ITPR2: variants seen among roughly 807,000 people sequenced by gnomAD.
The protein encoded by ITPR2 is inositol 1,4,5-trisphosphate-gated calcium channel ITPR2.
ITPR2 carries 207 observed loss-of-function variants against 317.1 expected under a neutral mutation model. The observed-to-expected ratio is 0.65, with a 90% CI of 0.58 to 0.73. The LOEUF (loss-of-function observed/expected upper bound fraction) is 0.73. Among genes scored for constraint, ITPR2 ranks in the 30% least tolerant of loss-of-function variants. The pLI, the probability that ITPR2 is intolerant of heterozygous loss-of-function variation, is 0.00. For synonymous variants in ITPR2, 1,156 were observed against 1,149.1 expected, an observed-to-expected ratio of 1.01 and a Z score of -0.12; for missense variants, 2,613 against 3,284.0, an observed-to-expected ratio of 0.80 and a Z score of 4.99.
At chr12:26,448,313 A>G (rs2136751936) in intron 45 of ITPR2, among the ~76,000 whole-genome samples, 1 of 151,986 alleles carries the variant, frequency 6.6e-6, no homozygotes, top group African/African-American at 2.4e-5. Flanking sequence ...AATATTAATG[A>G]TAATGAGAGT....
intron 40 of ITPR2, 48 bp downstream of exon 40, chr12:26,487,020 C>T (rs1565554860): frequency 6.8e-7 from 1 of 1,477,052 alleles, no homozygotes; most frequent in East Asian, 2.3e-5. Flanking sequence ...ACGCTATTCC[C>T]CTCTTTTCTC....
chr12:26,722,524 G>T lies in ITPR2; in HGVS notation c.398C>A (p.Thr133Asn). The T allele has an allele frequency of 6.2e-7, 1 of 1,612,600 alleles. No individual in the cohort carries two copies. The highest frequency in any genetic ancestry group is 8.5e-7 in the Non-Finnish European group (1 of 1,179,060). ...TAAAGCAGGTAATCTCTTGTTGACA[G>T]TAAGATATTTGTTGCTTTTTATATG... is the stretch of plus-strand genomic sequence containing the variant. ...LLHIKSNKYLTVNKRLPALLE... is the reference protein window; with the variant it reads ...LLHIKSNKYLNVNKRLPALLE... Residue 133 changes from threonine (T) to asparagine (N), a missense_variant, in exon 5 of 57, where the codon ACT (threonine) becomes AAT (asparagine). By Grantham distance (65) the Thr-to-Asn change is moderately conservative. Around this residue, in one of 9 missense-constraint regions of ITPR2, gnomAD observed 515 missense variants for 789.4 expected, o/e 0.65. Transcript: ENST00000381340.
chr12:26,688,158 C>T (rs1479919127), intron 10 of ITPR2, among the ~76,000 whole-genome samples: 1 of 152,078 alleles, frequency 6.6e-6, no homozygotes, highest in African/African-American at 2.4e-5. Flanking sequence ...ACCTCGGCCT[C>T]CTGGGTAGCT....
intron 2 of ITPR2, 98 bp downstream of exon 2, chr12:26,790,058 GT>G (rs1203947056): frequency 4.9e-6 from 4 of 808,978 alleles, no homozygotes; most frequent in Non-Finnish European, 6.3e-6. Flanking sequence ...ATATCTGAAA[GT>G]TTCACATTGA....
chr12:26,682,511 C>T lies in ITPR2; in HGVS notation c.1248+63G>A, dbSNP rs906800943. The T allele has an allele frequency of 9.0e-6, 9 of 995,672 alleles. No homozygotes were observed. The African/African-American group carries it at 1.3e-4, about 14-fold the overall frequency. The allele number at this position is 995,672 out of a possible 1,614,324, so 61.7% of individuals were successfully genotyped here. On this transcript the variant is annotated intron_variant, in intron 12 of 56. Transcript: ENST00000381340. ...TAAGGAACATGTGTCACACAGCATT[C>T]CTATCCTAATCCTATTCTCATGGCA...
chr12:26,492,858 G>A (rs1186567252), intron 39 of ITPR2, among the ~76,000 whole-genome samples: 3 of 151,424 alleles, frequency 2.0e-5, no homozygotes, highest in African/African-American at 2.4e-5. Context: ...TTGAGGTGAT[G>A]GATATGCTAA....
At chr12:26,509,095 T>C (rs1451911647) in intron 37 of ITPR2, among the ~76,000 whole-genome samples, 1 of 152,232 alleles carries the variant, frequency 6.6e-6, no homozygotes, top group Non-Finnish European at 1.5e-5. Flanking sequence ...AGAACATGTA[T>C]GAGCCTTGAA....
intron 10 of ITPR2, among the ~76,000 whole-genome samples, chr12:26,693,308 A>G (rs1031840119): frequency 2.0e-5 from 3 of 152,320 alleles, no homozygotes; most frequent in African/African-American, 7.2e-5. Context: ...TAAAAAGAAG[A>G]AAAGCTATCA....
intron 39 of ITPR2, among the ~76,000 whole-genome samples, chr12:26,493,544 A>T (rs1003045256): frequency 3.3e-5 from 5 of 152,186 alleles, no homozygotes; most frequent in Non-Finnish European, 7.3e-5. Context: ...ATATTTTCAA[A>T]CAGCTAGAAA....
intron 45 of ITPR2, among the ~76,000 whole-genome samples, chr12:26,460,870 C>T (rs183475392): frequency 9.2e-5 from 14 of 152,254 alleles, no homozygotes; most frequent in African/African-American, 1.9e-4. Context: ...GTTTGCCCTC[C>T]GACCTGGATG....
chr12:26,477,628 T>C lies in ITPR2; in HGVS notation c.6124-621A>G, dbSNP rs546337147. Among the ~76,000 whole-genome samples, 16 of 152,282 alleles carry C rather than the reference T, an allele frequency of 1.1e-4. No homozygotes were observed. The South Asian group carries it at 1.9e-3, about 18-fold the overall frequency. ...GGTTGTGAAAGAATATCTTCTATTT[T>C]TGCTTAACAAAGAATGAAAATAGCT... On this transcript the variant is annotated intron_variant, in intron 43 of 56. Coordinates refer to ENST00000381340, the MANE Select transcript of ITPR2 (RefSeq NM_002223.4).
chr12:26,526,019 A>G (rs895395927), intron 37 of ITPR2, among the ~76,000 whole-genome samples: 1 of 152,100 alleles, frequency 6.6e-6, no homozygotes, highest in African/African-American at 2.4e-5. Context: ...TGCACACTTT[A>G]TCTCCAGCTC....
intron 9 of ITPR2, among the ~76,000 whole-genome samples, chr12:26,697,223 G>A (rs774139453): frequency 1.3e-5 from 2 of 152,104 alleles, no homozygotes; most frequent in Non-Finnish European, 2.9e-5. Context: ...TCATACTAGA[G>A]AATTTAAAAA....
At chr12:26,639,252 G>A (rs1946929086) in intron 21 of ITPR2, among the ~76,000 whole-genome samples, 1 of 152,168 alleles carries the variant, frequency 6.6e-6, no homozygotes, top group African/African-American at 2.4e-5. Flanking sequence ...CTTGCTGGAA[G>A]TGAGAGGGAA....
At chr12:26,637,660 A>G (rs915113535) in intron 21 of ITPR2, among the ~76,000 whole-genome samples, 2 of 152,202 alleles carry the variant, frequency 1.3e-5, no homozygotes, top group African/African-American at 4.8e-5. Flanking sequence ...AAAGTAGAGG[A>G]CATCTGCATG....
chr12:26,485,981 C>T, intron 41 of ITPR2, 123 bp downstream of exon 41: 1 of 1,043,300 alleles, frequency 9.6e-7, no homozygotes. Context: ...CAGAGGAGCA[C>T]TATTGCTTTT....
At chr12:26,560,956 C>G (rs1252006237) in intron 35 of ITPR2, among the ~76,000 whole-genome samples, 1 of 152,168 alleles carries the variant, frequency 6.6e-6, no homozygotes, top group Non-Finnish European at 1.5e-5. Context: ...CTATTATGGG[C>G]TGAATTAGAA....
At chr12:26,706,954 G>T (rs1178869252) in intron 9 of ITPR2, among the ~76,000 whole-genome samples, 2 of 152,024 alleles carry the variant, frequency 1.3e-5, no homozygotes, top group Admixed American at 1.3e-4. Flanking sequence ...ACACAGGACC[G>T]CCCTTTTATT....
At chr12:26,442,201 G>T (rs1488962496) in intron 46 of ITPR2, among the ~76,000 whole-genome samples, 1 of 152,056 alleles carries the variant, frequency 6.6e-6, no homozygotes. Context: ...TCCTGAAGGA[G>T]AAACTCGTAC....
Sources: gnomAD v4.1 joint callset for allele counts (sites outside exome capture counted in the v4.1 genomes callset) on GRCh38, gnomAD v4.1.1 for gene constraint, gnomAD v4.1.1 regional missense constraint, MANE v1.5 for transcripts, NCBI Gene and HGNC (gene_info 2026-07-23, HGNC 2026-07-21) for gene names.